The following SYT9 variants were observed in gnomAD, a reference collection of about 807,000 sequenced individuals.
The protein encoded by SYT9 is synaptotagmin 9, also known as synaptotagmin-9.
Under a neutral mutation model 48.4 loss-of-function variants are expected in SYT9, and 22 were observed. The observed-to-expected ratio is 0.45, with a 90% CI of 0.32 to 0.65. The LOEUF (loss-of-function observed/expected upper bound fraction) is 0.65, where lower values mean the gene tolerates loss of function less well. Among genes scored for constraint, SYT9 ranks in the 30% least tolerant of loss-of-function variants. The probability of loss-of-function intolerance (pLI) is 0.03; values close to 1 mark genes in which losing one functional copy is unlikely to be tolerated. For missense variants in SYT9, 577 were observed against 622.0 expected (o/e 0.93, Z 0.77); for synonymous variants, 265 against 245.0 (o/e 1.08, Z -0.76).
At chr11:7,358,284 T>A (rs12418257) in intron 3 of SYT9, among the ~76,000 whole-genome samples, 1 of 152,128 alleles carries the variant, frequency 6.6e-6, no homozygotes. Flanking sequence ...AAGTTATGGT[T>A]TTTTTGGCTG....
intron 6 of SYT9, among the ~76,000 whole-genome samples, chr11:7,437,276 A>G (rs1847729187): frequency 6.6e-6 from 1 of 152,236 alleles, no homozygotes; most frequent in Admixed American, 6.5e-5. Context: ...CCCCAGTTCT[A>G]CATGGAAGGG....
chr11:7,319,183 CTTCT>C (rs1849294272), intron 3 of SYT9, among the ~76,000 whole-genome samples: 4 of 88,804 alleles, frequency 4.5e-5, no homozygotes, highest in South Asian at 3.8e-4. Context: ...TTTTTCTTTT[CTTCT>C]TTTTCTTTTT....
chr11:7,338,019 A>G (rs147702959), intron 3 of SYT9, among the ~76,000 whole-genome samples: 135 of 152,218 alleles, frequency 8.9e-4, no homozygotes, highest in African/African-American at 3.1e-3. Flanking sequence ...TAGGTTATTT[A>G]TTCTTGTTTC....
chr11:7,400,694 A>T (rs1338465479), intron 3 of SYT9, among the ~76,000 whole-genome samples: 1 of 152,214 alleles, frequency 6.6e-6, no homozygotes, highest in Non-Finnish European at 1.5e-5. Flanking sequence ...GACAAAAATC[A>T]GTGTCAAAGC....
chr11:7,278,041 A>G (rs1475890548), intron 1 of SYT9, among the ~76,000 whole-genome samples: 1 of 152,358 alleles, frequency 6.6e-6, no homozygotes, highest in Admixed American at 6.5e-5. Context: ...GAGAGGTCAC[A>G]TATGATGAGA....
At chr11:7,441,152 G>A (rs896582195) in intron 6 of SYT9, 1 of 152,278 alleles carries the variant, frequency 6.6e-6, no homozygotes, top group Non-Finnish European at 1.5e-5. Context: ...CTTAGAAGCA[G>A]ACAGATTAAT....
intron 6 of SYT9, among the ~76,000 whole-genome samples, chr11:7,449,885 C>A (rs557545569): frequency 6.6e-5 from 10 of 152,184 alleles, no homozygotes; most frequent in African/African-American, 2.4e-4. Flanking sequence ...CTGCTCTTCC[C>A]ACCACCTTAA....
intron 3 of SYT9, among the ~76,000 whole-genome samples, chr11:7,321,129 C>G (rs1466907954): frequency 6.6e-6 from 1 of 152,130 alleles, no homozygotes; most frequent in East Asian, 1.9e-4. Flanking sequence ...TGCCACAGTT[C>G]TCATGTAATG....
At chr11:7,364,350 AG>A (rs1401852446) in intron 3 of SYT9, among the ~76,000 whole-genome samples, 1 of 152,248 alleles carries the variant, frequency 6.6e-6, no homozygotes, top group Non-Finnish European at 1.5e-5. Flanking sequence ...AATAAAGGTC[AG>A]AGCTTTAAGA....
chr11:7,339,016 C>A (rs528226679), intron 3 of SYT9, among the ~76,000 whole-genome samples: 4 of 152,278 alleles, frequency 2.6e-5, no homozygotes, highest in African/African-American at 7.2e-5. Flanking sequence ...CTTTATGAAT[C>A]TGGGTGCTCC....
chr11:7,354,130 A>T (rs1849972490), intron 3 of SYT9, among the ~76,000 whole-genome samples: 1 of 152,214 alleles, frequency 6.6e-6, no homozygotes, highest in Non-Finnish European at 1.5e-5. Context: ...CACTTTGAGT[A>T]GACTTTATTT....
At chr11:7,317,680 T>G (rs1297272748) in intron 3 of SYT9, among the ~76,000 whole-genome samples, 2 of 152,180 alleles carry the variant, frequency 1.3e-5, no homozygotes, top group African/African-American at 4.8e-5. Flanking sequence ...CCATAACATA[T>G]CCATATTTAT....
At chr11:7,358,434 C>T (rs1850064622) in intron 3 of SYT9, among the ~76,000 whole-genome samples, 2 of 152,070 alleles carry the variant, frequency 1.3e-5, no homozygotes, top group African/African-American at 4.8e-5. Context: ...TTTTAATCTT[C>T]CAGCTGATTA....
chr11:7,377,308 AGAGT>A (rs1172387234), intron 3 of SYT9, among the ~76,000 whole-genome samples: 112 of 152,090 alleles, frequency 7.4e-4, no homozygotes, highest in Non-Finnish European at 1.6e-4. Context: ...AACTAGAAAG[AGAGT>A]GAGAGAGAAT....
intron 1 of SYT9, among the ~76,000 whole-genome samples, chr11:7,280,164 G>A (rs1380422352): frequency 2.0e-5 from 3 of 152,200 alleles, no homozygotes; most frequent in Non-Finnish European, 2.9e-5. Context: ...AATGCTGTGC[G>A]GTGCACAATT....
chr11:7,351,934 GA>G (rs1430515118), intron 3 of SYT9, among the ~76,000 whole-genome samples: 7 of 151,920 alleles, frequency 4.6e-5, no homozygotes, highest in East Asian at 3.9e-4. Context: ...TGTTTTCCAG[GA>G]AAAAAAACTC....
rs551302770 is a variant in SYT9 at position 7,461,843 on chromosome 11, C to T, written c.1468-4949C>T. Among the ~76,000 whole-genome samples, 14 of 152,344 alleles carry T rather than the reference C, an allele frequency of 9.2e-5. No homozygotes were observed. In the South Asian group the frequency reaches 2.7e-3, roughly 29 times the overall value. ...CCTATAGTAATTTCCTATCTTGCCACCTCATCGAAAAATATGACAGTCCTT... is the reference window on the plus strand; with the variant it reads ...CCTATAGTAATTTCCTATCTTGCCATCTCATCGAAAAATATGACAGTCCTT... On this transcript the variant is annotated intron_variant, in intron 6 of 6. Coordinates refer to ENST00000318881, the MANE Select transcript of SYT9 (RefSeq NM_175733.4).
rs866127613 is a variant in SYT9, at chr11:7,302,974, C to T, written c.146-65C>T. On this transcript the variant is annotated intron_variant, in intron 1 of 6. Coordinates refer to ENST00000318881, the MANE Select transcript of SYT9 (RefSeq NM_175733.4). ...GTGGATGAGAGGGTCATTCTGCCCA[C>T]GCTGTGCAATGGGTGGGCTTGAGGG... The T allele has an allele frequency of 3.0e-5, 43 of 1,442,630 alleles. 1 individual carries two copies. The Middle Eastern group carries it at 2.1e-3, about 71-fold the overall frequency. The allele number at this position is 1,442,630 out of a possible 1,614,324, so 89.4% of individuals were successfully genotyped here. A position where few individuals can be genotyped will look rare whatever the true frequency, so the allele number is the denominator to read the frequency against.
intron 6 of SYT9, chr11:7,440,413 A>G (rs1188518636): frequency 6.6e-6 from 1 of 152,244 alleles, no homozygotes; most frequent in Admixed American, 6.5e-5. Flanking sequence ...TTAGAAGCTC[A>G]GTAAGATCAC....
Sources: gnomAD v4.1 joint callset for allele counts (sites outside exome capture counted in the v4.1 genomes callset) on GRCh38, gnomAD v4.1.1 for gene constraint, MANE v1.5 for transcripts, NCBI Gene and HGNC (gene_info 2026-07-23, HGNC 2026-07-21) for gene names.